AKT3: variants seen among roughly 807,000 people sequenced by gnomAD.
AKT3 encodes RAC-gamma serine/threonine-protein kinase.
Under a neutral mutation model 65.3 loss-of-function variants are expected in AKT3, and 15 were observed. That is an observed-to-expected ratio of 0.23 (90% CI 0.15 to 0.35). AKT3 has a LOEUF of 0.35. Ranked by LOEUF, AKT3 falls within the 10% of genes least tolerant of loss-of-function variation. The pLI is 1.00. For synonymous variants in AKT3, 206 were observed against 183.8 expected, an observed-to-expected ratio of 1.12 and a Z score of -0.98; for missense variants, 243 against 576.5, an observed-to-expected ratio of 0.42 and a Z score of 5.92.
intron 2 of AKT3, among the ~76,000 whole-genome samples, chr1:243,813,040 AG>A (rs1553457396): frequency 6.2e-5 from 2 of 32,072 alleles, no homozygotes; most frequent in Non-Finnish European, 1.2e-4. Context: ...GGGTGGGGGG[AG>A]GGGGGAGGGA....
At chr1:243,827,385 A>C (rs1206724947) in intron 2 of AKT3, among the ~76,000 whole-genome samples, 4 of 152,060 alleles carry the variant, frequency 2.6e-5, no homozygotes, top group Admixed American at 6.6e-5. Context: ...AACCACATCA[A>C]ATGACTTCTT....
intron 2 of AKT3, among the ~76,000 whole-genome samples, chr1:243,830,271 G>A (rs535252363): frequency 1.3e-5 from 2 of 152,268 alleles, no homozygotes; most frequent in South Asian, 4.2e-4. Context: ...AGGAGGGTGT[G>A]TGCAGGTTGT....
chr1:243,634,458 A>G (rs944473970), intron 6 of AKT3, among the ~76,000 whole-genome samples: 3 of 152,026 alleles, frequency 2.0e-5, no homozygotes, highest in African/African-American at 7.2e-5. Context: ...AATTAACAAC[A>G]ATAATAAAAT....
At chr1:243,568,639 T>C (rs1049231949) in intron 9 of AKT3, among the ~76,000 whole-genome samples, 49 of 152,222 alleles carry the variant, frequency 3.2e-4, no homozygotes, top group African/African-American at 1.1e-3. Context: ...CTATGTTTCC[T>C]CCTGTTCTTG....
chr1:243,490,860 C>G (rs929554472), intron 13 of AKT3, among the ~76,000 whole-genome samples: 1 of 152,254 alleles, frequency 6.6e-6, no homozygotes, highest in African/African-American at 2.4e-5. Flanking sequence ...AGAACCCAGC[C>G]CTGTGGGCAG....
chr1:243,740,321 T>C (rs1345051368), intron 2 of AKT3, among the ~76,000 whole-genome samples: 1 of 152,202 alleles, frequency 6.6e-6, no homozygotes, highest in African/African-American at 2.4e-5. Flanking sequence ...AGAAAAGCGT[T>C]TGCCCCCCTT....
intron 13 of AKT3, chr1:243,489,192 G>C (rs1485412953): frequency 6.2e-7 from 1 of 1,600,202 alleles, no homozygotes. Context: ...GCGTCTACAG[G>C]TGGATCTTTT....
At chr1:243,807,583 C>T (rs1692824511) in intron 2 of AKT3, among the ~76,000 whole-genome samples, 1 of 152,226 alleles carries the variant, frequency 6.6e-6, no homozygotes, top group Admixed American at 6.5e-5. Flanking sequence ...GACCTGCCTG[C>T]CTCTGTAGAC....
intron 9 of AKT3, among the ~76,000 whole-genome samples, chr1:243,572,445 T>C (rs187685118): frequency 5.8e-4 from 88 of 152,176 alleles, no homozygotes; most frequent in African/African-American, 2.0e-3. Flanking sequence ...CAAAACACTA[T>C]TACCAACAGA....
At chr1:243,498,452 G>A (rs551046348), downstream of AKT3, among the ~76,000 whole-genome samples, 12 of 152,238 alleles carry the variant, frequency 7.9e-5, 1 homozygote, top group East Asian at 5.8e-4. Context: ...GCAGGTTTAC[G>A]AGGAGGAGTG....
chr1:243,773,207 A>T lies in AKT3; in HGVS notation c.46+69918T>A, dbSNP rs866309699. On this transcript the variant is annotated intron_variant, in intron 2 of 13. Transcript: ENST00000673466. ...ATAATAAAAACATATATATATAAAA[A>T]ATATATATATATATATATAAAACAA... Among the ~76,000 whole-genome samples the T allele has an allele frequency of 2.1e-3, 302 of 145,284 alleles. 1 individual carries two copies. Among genetic ancestry groups the T allele is most frequent in the Middle Eastern group, 3.6e-3 (1 of 274 alleles).
intron 2 of AKT3, among the ~76,000 whole-genome samples, chr1:243,781,432 T>C (rs1690910490): frequency 6.6e-6 from 1 of 152,184 alleles, no homozygotes; most frequent in South Asian, 2.1e-4. Context: ...CATTTGTACT[T>C]CCCTCCTCTG....
chr1:243,764,511 C>T (rs1689693191), intron 2 of AKT3, among the ~76,000 whole-genome samples: 1 of 152,034 alleles, frequency 6.6e-6, no homozygotes, highest in Non-Finnish European at 1.5e-5. Flanking sequence ...TAGGAAATAG[C>T]TGTATTTTTA....
rs751741670 is a variant in AKT3, at chr1:243,695,726, G to A, written c.47-10C>T. The A allele has an allele frequency of 3.1e-5, 49 of 1,578,216 alleles. 1 individual carries two copies. The highest frequency in any genetic ancestry group is 4.1e-5 in the Non-Finnish European group (48 of 1,166,156). On this transcript the variant is annotated splice_polypyrimidine_tract_variant and intron_variant, in intron 2 of 13. Coordinates refer to ENST00000673466, the MANE Select transcript of AKT3 (RefSeq NM_005465.7). ...TTTTTTATATATTCTCCTACATGAGGAAAGCACGCATGTTAATGCTGAAAA... is the reference window on the plus strand; with the variant it reads ...TTTTTTATATATTCTCCTACATGAGAAAAGCACGCATGTTAATGCTGAAAA...
chr1:243,742,433 T>C (rs1688219097), intron 2 of AKT3, among the ~76,000 whole-genome samples: 1 of 152,176 alleles, frequency 6.6e-6, no homozygotes, highest in Non-Finnish European at 1.5e-5. Flanking sequence ...AAGACCAGCC[T>C]GGCCAATATG....
chr1:243,661,963 C>A (rs1307863581), intron 4 of AKT3, among the ~76,000 whole-genome samples: 1 of 147,678 alleles, frequency 6.8e-6, no homozygotes, highest in Non-Finnish European at 1.5e-5. Context: ...AAATGCTCAC[C>A]ATCACTGGCC....
In AKT3 at chr1:243,526,778, T is replaced by TAAAAAAAAAAAAAAAAAAA. The variant is rs1671117704; in HGVS notation, c.1252-14353_1252-14352insTTTTTTTTTTTTTTTTTTT. Among the ~76,000 whole-genome samples, 16 of 55,726 alleles carry TAAAAAAAAAAAAAAAAAAA rather than the reference T, an allele frequency of 2.9e-4. 5 individuals are homozygous for TAAAAAAAAAAAAAAAAAAA. The highest frequency in any genetic ancestry group is 1.6e-3 in the South Asian group (2 of 1,286). The allele number at this position is 55,726 out of a possible 152,430, so 36.6% of individuals were successfully genotyped here. A position where few individuals can be genotyped will look rare whatever the true frequency, so the allele number is the denominator to read the frequency against. ...TTGCCAGCTGCACTACAAAAAATGG[T>TAAAAAAAAAAAAAAAAAAA]TAAAAAAAAAAAAAAAAAAAAAAAA... On this transcript the variant is annotated intron_variant, in intron 12 of 13. Transcript: ENST00000673466.
intron 1 of AKT3, among the ~76,000 whole-genome samples, chr1:243,846,559 T>C (rs1051340653): frequency 1.3e-5 from 2 of 152,160 alleles, no homozygotes; most frequent in Admixed American, 1.3e-4. Context: ...TATTCAAAGA[T>C]TACTTGGCAG....
intron 2 of AKT3, among the ~76,000 whole-genome samples, chr1:243,768,617 C>A (rs1386240199): frequency 2.0e-5 from 3 of 152,082 alleles, no homozygotes; most frequent in African/African-American, 7.2e-5. Flanking sequence ...GTGGGCAGAT[C>A]ACAGGTCAGG....
Sources: gnomAD v4.1 joint callset for allele counts (sites outside exome capture counted in the v4.1 genomes callset) on GRCh38, gnomAD v4.1.1 for gene constraint, MANE v1.5 for transcripts, NCBI Gene and HGNC (gene_info 2026-07-23, HGNC 2026-07-21) for gene names.